The following PTDSS2 variants were observed in gnomAD, a reference collection of about 807,000 sequenced individuals.
PTDSS2 encodes the protein phosphatidylserine synthase 2.
A neutral mutation model predicts 64.7 loss-of-function variants in PTDSS2; 41 were observed. The ratio of observed to expected loss-of-function variants is 0.63; its 90% CI spans 0.49 to 0.82. PTDSS2 has a LOEUF of 0.82. Among genes scored for constraint, PTDSS2 ranks in the 40% least tolerant of loss-of-function variants. The probability of loss-of-function intolerance (pLI) is 0.00; values close to 1 mark genes in which losing one functional copy is unlikely to be tolerated. For missense variants in PTDSS2, 485 were observed against 650.0 expected (o/e 0.75, Z 2.76); for synonymous variants, 297 against 277.8 (o/e 1.07, Z -0.69).
chr11:471,718 CGTGGATG>C (rs1847451367), intron 2 of PTDSS2, among the ~76,000 whole-genome samples: 1 of 140,208 alleles, frequency 7.1e-6, no homozygotes, highest in East Asian at 2.2e-4. Flanking sequence ...CCTGGGGTGA[CGTGGATG>C]GCGGCCTGGG....
At chr11:487,779 T>G (rs1848461851) in intron 6 of PTDSS2, among the ~76,000 whole-genome samples, 1 of 152,182 alleles carries the variant, frequency 6.6e-6, no homozygotes, top group African/African-American at 2.4e-5. Context: ...GTGCTACCTA[T>G]GGGGCTAAGA....
At chr11:454,522 G>A (rs768438612) in intron 1 of PTDSS2, among the ~76,000 whole-genome samples, 1 of 152,150 alleles carries the variant, frequency 6.6e-6, no homozygotes, top group Admixed American at 6.5e-5. Context: ...GTGGAAAGTC[G>A]TATTAAAGGA....
chr11:479,589 C>T lies in PTDSS2; in HGVS notation c.435+437C>T. ...CGCAAGTCAGGTCCTGCGATGCAGGCCAGCGTCTGCATGGCCGGGGCAAAT... is the reference window on the plus strand; with the variant it reads ...CGCAAGTCAGGTCCTGCGATGCAGGTCAGCGTCTGCATGGCCGGGGCAAAT... On this transcript the variant is annotated intron_variant, in intron 4 of 11. Transcript: ENST00000308020. The surrounding 1 kb of genome is among the most constrained non-coding windows in gnomAD (Gnocchi z 4.2). The T allele has an allele frequency of 9.2e-6, 2 of 217,956 alleles. No individual in the cohort carries two copies. The highest frequency in any genetic ancestry group is 6.6e-5 in the South Asian group (1 of 15,042). The allele number at this position is 217,956 out of a possible 1,614,324, so 13.5% of individuals were successfully genotyped here.
In PTDSS2 at chr11:470,169, GGGA is replaced by G. The variant is rs1387883157; in HGVS notation, c.285-3719_285-3717del. Among the ~76,000 whole-genome samples the G allele has an allele frequency of 6.6e-6, 1 of 152,232 alleles. No homozygotes were observed. Among genetic ancestry groups the G allele is most frequent in the Non-Finnish European group, 1.5e-5 (1 of 68,042 alleles). ...GGGCGTGCAGCACGGAGAGGGCAGT[GGGA>G]GGAGGACGCTGCAGCCGAGGTGCCC... On this transcript the variant is annotated intron_variant, in intron 2 of 11. Transcript: ENST00000308020. This position sits in a 1 kb window ranked among gnomAD's most constrained non-coding sequence, Gnocchi z 5.3.
intron 3 of PTDSS2, among the ~76,000 whole-genome samples, chr11:478,629 A>T (rs113807930): frequency 0.026 from 3,881 of 152,068 alleles, 166 homozygotes; most frequent in African/African-American, 0.089. Context: ...CTGTGAGCCC[A>T]GCTACTCGGG....
upstream of PTDSS2, among the ~76,000 whole-genome samples, chr11:449,485 A>C (rs573230790): frequency 2.0e-5 from 3 of 152,368 alleles, no homozygotes; most frequent in African/African-American, 7.2e-5. Context: ...GCTAGTGTGT[A>C]AATTTGGCGT....
At chr11:490,147 G>A in intron 11 of PTDSS2, 79 bp downstream of exon 11, 1 of 1,416,510 alleles carries the variant, frequency 7.1e-7, no homozygotes, top group Non-Finnish European at 9.6e-7. Context: ...TGGGAGTTTG[G>A]TGTCGTTGGT....
At position 490,559 on chromosome 11, in the gene PTDSS2, G is replaced by C. The variant is rs766019587; in HGVS notation, c.1441G>C (p.Glu481Gln). Reference sequence around the variant, plus strand: ...GCTGGGGCCTGGGGTGGCCGAGGGCGAGGGAGCACCAACTCCAAACTGACC... The same window carrying C: ...GCTGGGGCCTGGGGTGGCCGAGGGCCAGGGAGCACCAACTCCAAACTGACC... Reference protein sequence around the residue: ...DLLGPGVAEGEGAPTPN With the variant: ...DLLGPGVAEGQGAPTPN The change falls in exon 12 of 12, where the codon GAG (glutamate) becomes CAG (glutamine). Residue 481 changes from glutamate to glutamine, a missense_variant. This residue lies in a region of PTDSS2 where 219 missense variants were observed against 257.3 expected (regional missense o/e 0.85). Transcript: ENST00000308020. The C allele has an allele frequency of 6.2e-7, 1 of 1,604,634 alleles. No individual in the cohort carries two copies. The highest frequency in any genetic ancestry group is 8.5e-7 in the Non-Finnish European group (1 of 1,176,224).
chr11:475,093 TG>T (rs1564979527), intron 3 of PTDSS2, among the ~76,000 whole-genome samples: 1 of 64,712 alleles, frequency 1.5e-5, no homozygotes, highest in African/African-American at 7.8e-5. Context: ...TGTTTGTGTG[TG>T]GGACATATTC....
intron 2 of PTDSS2, among the ~76,000 whole-genome samples, chr11:473,158 C>T (rs1021589826): frequency 3.9e-5 from 6 of 152,270 alleles, no homozygotes; most frequent in African/African-American, 7.2e-5. Context: ...TGGCTGAGGC[C>T]GGCCCCAAGG....
chr11:470,339 A>G lies in PTDSS2; in HGVS notation c.285-3556A>G, dbSNP rs573631405. On this transcript the variant is annotated intron_variant, in intron 2 of 11. Coordinates refer to ENST00000308020, the MANE Select transcript of PTDSS2 (RefSeq NM_030783.3). The surrounding 1 kb of genome is among the most constrained non-coding windows in gnomAD (Gnocchi z 5.3). ...CAGAGGCATAGTCGACCATCTCACTAAGGAACATTCCACAGAATTCCTGAC... is the reference window on the plus strand; with the variant it reads ...CAGAGGCATAGTCGACCATCTCACTGAGGAACATTCCACAGAATTCCTGAC... Among the ~76,000 whole-genome samples the G allele has an allele frequency of 1.3e-5, 2 of 152,282 alleles. No homozygotes were observed. Among genetic ancestry groups the G allele is most frequent in the East Asian group, 3.9e-4 (2 of 5,164 alleles).
chr11:475,257 A>G (rs370804070), intron 3 of PTDSS2, among the ~76,000 whole-genome samples: 2,785 of 147,006 alleles, frequency 0.019, 46 homozygotes, highest in Non-Finnish European at 0.029. Flanking sequence ...GTACGGACAT[A>G]TTCACGCGTT....
intron 2 of PTDSS2, among the ~76,000 whole-genome samples, chr11:472,336 C>T (rs1481110174): frequency 6.6e-6 from 1 of 152,228 alleles, no homozygotes; most frequent in African/African-American, 2.4e-5. Context: ...CACCTCCCAC[C>T]CCTCAGCACT....
Position 486,995 on chromosome 11 carries a change from A to G in PTDSS2, c.492A>G (p.Pro164=). The G allele has an allele frequency of 2.5e-6, 4 of 1,613,402 alleles. No homozygotes were observed. Among genetic ancestry groups the G allele is most frequent in the Non-Finnish European group, 3.4e-6 (4 of 1,179,898 alleles). ...ATGTTGACCCCAAGCTGGGAGTCCC[A>G]CTGCCAGAGAGAGACTACGGGGGAA... ...LKYVDPKLGV[P]LPERDYGGNC... Residue 164 remains proline (P), a synonymous_variant, in exon 5 of 12, where the codon CCA becomes CCG. Transcript: ENST00000308020.
intron 2 of PTDSS2, among the ~76,000 whole-genome samples, chr11:465,647 G>A (rs1195236499): frequency 6.6e-6 from 1 of 152,128 alleles, no homozygotes; most frequent in Non-Finnish European, 1.5e-5. Flanking sequence ...ATTGTCTGCT[G>A]GGTGTGGTGG....
At chr11:450,261 GCGCGGACT>G (rs957642630), upstream of PTDSS2, 15 of 394,702 alleles carry the variant, frequency 3.8e-5, no homozygotes, top group Non-Finnish European at 4.8e-5. Flanking sequence ...AGCATGCCCC[GCGCGGACT>G]ACAAGCCCCA....
rs373999057 is a variant in PTDSS2, at chr11:489,543, G to A, written c.969+29G>A. On this transcript the variant is annotated intron_variant, in intron 9 of 11. Transcript: ENST00000308020. ...AGGCCGGGCTGCCTCGCGACGGCGC[G>A]GCGGGCGGGGGGCCAGAGCTGGTGC... 30 of 1,609,090 alleles carry A rather than the reference G, an allele frequency of 1.9e-5. No individual in the cohort carries two copies. In the African/African-American group the frequency reaches 2.1e-4, roughly 11 times the overall value.
intron 4 of PTDSS2, among the ~76,000 whole-genome samples, chr11:486,611 A>G (rs1322767751): frequency 6.6e-6 from 1 of 151,630 alleles, no homozygotes; most frequent in African/African-American, 2.4e-5. Flanking sequence ...GGGAGGCCGA[A>G]GTGGGCGGAT....
chr11:486,883 G>A (rs1189350566), intron 4 of PTDSS2, 56 bp from the exon 5 acceptor site: 27 of 1,542,888 alleles, frequency 1.7e-5, no homozygotes, highest in East Asian at 1.1e-4. Context: ...ATGATCTCCC[G>A]TTTCAAGTTG....
Sources: allele counts gnomAD v4.1 joint callset (sites outside exome capture counted in the v4.1 genomes callset), GRCh38; gene constraint gnomAD v4.1.1; regional missense constraint gnomAD v4.1.1; non-coding constraint Gnocchi (gnomAD v3.1); transcripts MANE v1.5; gene names NCBI Gene and HGNC (gene_info 2026-07-23, HGNC 2026-07-21).